The following COMMD10 variants were observed in gnomAD, a reference collection of about 807,000 sequenced individuals.
COMMD10 encodes COMM domain containing 10.
COMMD10 carries 33 observed loss-of-function variants against 28.9 expected under a neutral mutation model. That is an observed-to-expected ratio of 1.14 (90% CI 0.87 to 1.53). The LOEUF is 1.53. Ranked by LOEUF, COMMD10 falls within the 40% of genes most tolerant of loss-of-function variation. The pLI is 0.00. For synonymous variants in COMMD10, 110 were observed against 81.7 expected (o/e 1.35, Z -1.87); for missense variants, 310 against 233.4 (o/e 1.33, Z -2.14).
intron 4 of COMMD10, among the ~76,000 whole-genome samples, chr5:116,093,005 T>A (rs1750350634): frequency 6.6e-6 from 1 of 152,218 alleles, no homozygotes; most frequent in Admixed American, 6.5e-5. Flanking sequence ...TACATATTGC[T>A]AGCCCAGGAA....
At chr5:116,277,024 G>A (rs959745408) in intron 5 of COMMD10, among the ~76,000 whole-genome samples, 2 of 151,782 alleles carry the variant, frequency 1.3e-5, no homozygotes, top group East Asian at 3.9e-4. Flanking sequence ...TGGGTGAACT[G>A]TGTGGGACAT....
At chr5:116,154,918 A>G (rs72804843) in intron 5 of COMMD10, among the ~76,000 whole-genome samples, 8,040 of 152,178 alleles carry the variant, frequency 0.053, 286 homozygotes, top group East Asian at 0.14. Context: ...GCTTTGGGAA[A>G]GTACCACATT....
chr5:116,256,189 T>C (rs1007290415), intron 5 of COMMD10, among the ~76,000 whole-genome samples: 1 of 151,712 alleles, frequency 6.6e-6, no homozygotes, highest in South Asian at 2.1e-4. Flanking sequence ...GAAAAGAATC[T>C]ACAGTATAAT....
chr5:116,189,938 C>G (rs1748295935), intron 5 of COMMD10, among the ~76,000 whole-genome samples: 1 of 152,118 alleles, frequency 6.6e-6, no homozygotes, highest in South Asian at 2.1e-4. Flanking sequence ...AAAAACCTCC[C>G]TTCATTTTTC....
chr5:116,243,954 T>C (rs1749875568), intron 5 of COMMD10, among the ~76,000 whole-genome samples: 1 of 152,154 alleles, frequency 6.6e-6, no homozygotes. Flanking sequence ...TTATCTGAAA[T>C]CATTGAGTCA....
chr5:116,233,403 A>G (rs1240070965), intron 5 of COMMD10, among the ~76,000 whole-genome samples: 2 of 152,180 alleles, frequency 1.3e-5, no homozygotes, highest in Admixed American at 6.6e-5. Context: ...CATCCTTTGG[A>G]GGACTTGAAA....
chr5:116,153,073 A>G (rs1228643357), intron 5 of COMMD10, among the ~76,000 whole-genome samples: 2 of 152,210 alleles, frequency 1.3e-5, no homozygotes, highest in Non-Finnish European at 2.9e-5. Flanking sequence ...TCTTTTCGAC[A>G]CTACACATGA....
At chr5:116,267,887 G>A (rs910078450) in intron 5 of COMMD10, among the ~76,000 whole-genome samples, 3 of 151,826 alleles carry the variant, frequency 2.0e-5, no homozygotes, top group East Asian at 1.9e-4. Flanking sequence ...GGGAAAACTG[G>A]CTAGCCATAT....
chr5:116,161,121 G>T (rs900451094), intron 5 of COMMD10, among the ~76,000 whole-genome samples: 5 of 152,160 alleles, frequency 3.3e-5, no homozygotes, highest in African/African-American at 4.8e-5. Context: ...GTATGTGCAT[G>T]TGTATCTGTG....
chr5:116,192,464 T>C (rs1298209580), intron 5 of COMMD10, among the ~76,000 whole-genome samples: 21 of 152,118 alleles, frequency 1.4e-4, no homozygotes, highest in Admixed American at 1.4e-3. Context: ...ATAGATACTT[T>C]AAAGAAAAAA....
At chr5:116,292,319 A>G (rs991046432) in intron 6 of COMMD10, 132 bp from the exon 7 acceptor site, 2 of 463,272 alleles carry the variant, frequency 4.3e-6, no homozygotes, top group East Asian at 3.2e-5. Flanking sequence ...TTTTATTGCT[A>G]TGTGAATGGA....
At chr5:116,218,296 G>C (rs1356230690) in intron 5 of COMMD10, 2 of 715,574 alleles carry the variant, frequency 2.8e-6, no homozygotes, top group Middle Eastern at 2.4e-4. Flanking sequence ...TCTTGGGCAT[G>C]GTGGTGGCAG....
intron 5 of COMMD10, among the ~76,000 whole-genome samples, chr5:116,166,865 G>T (rs902904179): frequency 1.3e-5 from 2 of 152,034 alleles, no homozygotes; most frequent in African/African-American, 4.8e-5. Flanking sequence ...AAGACCAAAG[G>T]TAGATAAATC....
At chr5:116,092,516 A>C (rs760261793) in intron 3 of COMMD10, 29 bp from the exon 4 acceptor site, 97 of 1,509,662 alleles carry the variant, frequency 6.4e-5, no homozygotes, top group Non-Finnish European at 8.3e-5. Context: ...GATGAGGGAC[A>C]TATGTAATTT....
chr5:116,142,563 A>G (rs1414817405), intron 5 of COMMD10, among the ~76,000 whole-genome samples: 1 of 151,800 alleles, frequency 6.6e-6, no homozygotes, highest in African/African-American at 2.4e-5. Flanking sequence ...AGAAACGCAA[A>G]CGTTGCATTC....
intron 5 of COMMD10, among the ~76,000 whole-genome samples, chr5:116,164,928 C>A (rs1038495708): frequency 6.6e-6 from 1 of 152,112 alleles, no homozygotes; most frequent in African/African-American, 2.4e-5. Context: ...TCCTTGCAGA[C>A]TAAAGTACCC....
chr5:116,283,332 A>G (rs1417686902), intron 5 of COMMD10, among the ~76,000 whole-genome samples: 1 of 151,438 alleles, frequency 6.6e-6, no homozygotes, highest in Non-Finnish European at 1.5e-5. Flanking sequence ...TGGCCTATCT[A>G]GCTATCACAA....
intron 4 of COMMD10, among the ~76,000 whole-genome samples, chr5:116,106,717 T>G (rs1025217758): frequency 6.6e-6 from 1 of 152,214 alleles, no homozygotes; most frequent in Non-Finnish European, 1.5e-5. Flanking sequence ...GTTGCATTGA[T>G]CCCCTTGCCA....
At chr5:116,208,202 A>G (rs1748867635) in intron 5 of COMMD10, among the ~76,000 whole-genome samples, 2 of 152,224 alleles carry the variant, frequency 1.3e-5, no homozygotes, top group African/African-American at 4.8e-5. Context: ...AAGGGAACAT[A>G]CAGGTTAGTA....
Sources: gnomAD v4.1 joint callset for allele counts (sites outside exome capture counted in the v4.1 genomes callset) on GRCh38, gnomAD v4.1.1 for gene constraint, MANE v1.5 for transcripts, NCBI Gene and HGNC (gene_info 2026-07-23, HGNC 2026-07-21) for gene names.